KANK1: variants seen among roughly 807,000 people sequenced by gnomAD.
The protein encoded by KANK1 is KN motif and ankyrin repeat domains 1.
KANK1 carries 109 observed loss-of-function variants against 106.2 expected under a neutral mutation model. The ratio of observed to expected loss-of-function variants is 1.03; its 90% confidence interval spans 0.88 to 1.20. The LOEUF (loss-of-function observed/expected upper bound fraction) is 1.20. Among genes scored for constraint, KANK1 ranks in the 50% most tolerant of loss-of-function variants. KANK1 has a pLI of 0.00. For missense variants in KANK1, 2,399 were observed against 1,710.7 expected (o/e 1.40, Z -7.10); for synonymous variants, 873 against 652.2 (o/e 1.34, Z -5.16).
At chr9:643,638 C>T (rs1055195540) in intron 1 of KANK1, among the ~76,000 whole-genome samples, 5 of 140,800 alleles carry the variant, frequency 3.6e-5, no homozygotes, top group African/African-American at 1.1e-4. Flanking sequence ...CATAGGCCTT[C>T]CAAAGTGTGA....
At chr9:697,902 T>C (rs1411082601) in intron 2 of KANK1, among the ~76,000 whole-genome samples, 1 of 152,096 alleles carries the variant, frequency 6.6e-6, no homozygotes, top group Non-Finnish European at 1.5e-5. Context: ...TTATCTGAGT[T>C]CTAGATATGT....
In KANK1 at chr9:519,412, G is replaced by A. The variant is rs148887728; in HGVS notation, c.-84+14658G>A. ...TTAATTCTTGTATATTTTCATAGGAGTAGCTATGAGAGGAGTCTTAACTTT... is the reference window on the plus strand; with the variant it reads ...TTAATTCTTGTATATTTTCATAGGAATAGCTATGAGAGGAGTCTTAACTTT... On this transcript the variant is annotated intron_variant, in intron 1 of 11. Transcript: ENST00000382297. 8.0e-4 allele frequency among the ~76,000 whole-genome samples: 121 copies of A among 151,712 alleles called. 1 individual carries two copies. The East Asian group carries it at 0.021, about 27-fold the overall frequency.
chr9:590,962 G>A (rs1824723893), intron 1 of KANK1, among the ~76,000 whole-genome samples: 1 of 151,728 alleles, frequency 6.6e-6, no homozygotes, highest in Admixed American at 6.6e-5. Flanking sequence ...GTATGCGAGA[G>A]GTCTCTTTTC....
chr9:640,950 C>T (rs1182579245), intron 1 of KANK1, among the ~76,000 whole-genome samples: 1 of 152,178 alleles, frequency 6.6e-6, no homozygotes, highest in African/African-American at 2.4e-5. Flanking sequence ...CCCGCCTCGG[C>T]CTCCCAAAGT....
chr9:600,628 A>T (rs1168229722), intron 1 of KANK1, among the ~76,000 whole-genome samples: 1 of 151,880 alleles, frequency 6.6e-6, no homozygotes, highest in Non-Finnish European at 1.5e-5. Flanking sequence ...AACTAGTAGC[A>T]CATAAATGCT....
At chr9:744,056 T>C (rs1836492541) in intron 10 of KANK1, among the ~76,000 whole-genome samples, 2 of 152,236 alleles carry the variant, frequency 1.3e-5, no homozygotes. Context: ...CAGATGTTAC[T>C]TGTAGCCTTA....
At chr9:477,305 A>G (rs928086950) in intron 3 of KANK1, among the ~76,000 whole-genome samples, 4 of 142,834 alleles carry the variant, frequency 2.8e-5, no homozygotes, top group East Asian at 2.0e-4. Context: ...ATGCAAACAG[A>G]AAAAAAAAAA....
chr9:692,999 C>G (rs777625292), intron 2 of KANK1, among the ~76,000 whole-genome samples: 2 of 151,890 alleles, frequency 1.3e-5, no homozygotes, highest in Non-Finnish European at 2.9e-5. Context: ...GATACACTAT[C>G]TCAAAAAAGA....
chr9:593,875 G>C (rs540789957), intron 1 of KANK1, among the ~76,000 whole-genome samples: 1 of 152,038 alleles, frequency 6.6e-6, no homozygotes, highest in Non-Finnish European at 1.5e-5. Context: ...GGTGCTATCA[G>C]TTTATAAAAT....
chr9:609,805 A>AC (rs1368318041), intron 1 of KANK1, among the ~76,000 whole-genome samples: 4 of 152,108 alleles, frequency 2.6e-5, no homozygotes, highest in Admixed American at 2.0e-4. Flanking sequence ...TGGCAAAATT[A>AC]TTTTTTCTCA....
intron 2 of KANK1, among the ~76,000 whole-genome samples, chr9:687,172 A>T (rs761262898): frequency 6.6e-6 from 1 of 152,076 alleles, no homozygotes; most frequent in Non-Finnish European, 1.5e-5. Flanking sequence ...GACCATACAG[A>T]TGTATTTGGC....
intron 2 of KANK1, chr9:707,244 C>G: frequency 2.0e-6 from 2 of 986,114 alleles, no homozygotes; most frequent in Non-Finnish European, 2.4e-6. Context: ...GCGGGCGCCA[C>G]GTGGTAGGTG....
rs1230570946 is a variant in KANK1 at position 729,926 on chromosome 9, T to A, written c.2699-125T>A. 6.2e-6 allele frequency: 5 copies of A among 800,710 alleles called. No individual in the cohort carries two copies. The African/African-American group carries it at 8.8e-5, about 14-fold the overall frequency. 49.6% of individuals were successfully genotyped at this position (800,710 alleles called of 1,614,324 possible). A position where few individuals can be genotyped will look rare whatever the true frequency, so the allele number is the denominator to read the frequency against. On this transcript the variant is annotated intron_variant, in intron 3 of 11. Transcript: ENST00000382297. Reference sequence around the variant, plus strand: ...AGGAAAGCTGGAGCGTCAAAGGGGCTTCTGAGTTTTGGTGGCTGGGATAAT... The same window carrying A: ...AGGAAAGCTGGAGCGTCAAAGGGGCATCTGAGTTTTGGTGGCTGGGATAAT...
At chr9:500,457 A>T (rs1028912965), upstream of KANK1, among the ~76,000 whole-genome samples, 1 of 152,236 alleles carries the variant, frequency 6.6e-6, no homozygotes, top group African/African-American at 2.4e-5. Flanking sequence ...GTTGGTTCTT[A>T]TCCTGGACTG....
At chr9:577,079 G>T (rs1820761003) in intron 1 of KANK1, among the ~76,000 whole-genome samples, 1 of 152,180 alleles carries the variant, frequency 6.6e-6, no homozygotes, top group African/African-American at 2.4e-5. Context: ...CAGTGTTACA[G>T]GTCATGAAGG....
At chr9:634,705 G>T (rs538966928) in intron 1 of KANK1, among the ~76,000 whole-genome samples, 6 of 152,254 alleles carry the variant, frequency 3.9e-5, no homozygotes, top group African/African-American at 9.6e-5. Flanking sequence ...AATTTCTCCC[G>T]TGGTTATCTT....
chr9:538,098 G>A (rs546982198), intron 1 of KANK1, among the ~76,000 whole-genome samples: 6 of 152,042 alleles, frequency 3.9e-5, no homozygotes, highest in Admixed American at 2.0e-4. Flanking sequence ...AGATGGTAGA[G>A]CTGTGGCAGA....
chr9:713,521 A>G, intron 3 of KANK1, 57 bp downstream of exon 3: 1 of 1,501,896 alleles, frequency 6.7e-7, no homozygotes, highest in Non-Finnish European at 8.9e-7. Flanking sequence ...ATGTCTTTCC[A>G]GAAGCTAAGG....
At chr9:742,812 T>C (rs75962682) in intron 10 of KANK1, among the ~76,000 whole-genome samples, 5,860 of 152,234 alleles carry the variant, frequency 0.038, 277 homozygotes, top group African/African-American at 0.11. Context: ...CTAAAACCAG[T>C]TCCTACTATA....
Sources: allele counts gnomAD v4.1 joint callset (sites outside exome capture counted in the v4.1 genomes callset), GRCh38; gene constraint gnomAD v4.1.1; transcripts MANE v1.5; gene names NCBI Gene and HGNC (gene_info 2026-07-23, HGNC 2026-07-21).